The following PTK2 variants were observed in gnomAD, a reference collection of about 807,000 sequenced individuals.
PTK2 encodes the protein protein tyrosine kinase 2.
PTK2 carries 45 observed loss-of-function variants against 150.1 expected under a neutral mutation model. The ratio of observed to expected loss-of-function variants is 0.30; its 90% CI spans 0.24 to 0.38. The LOEUF (loss-of-function observed/expected upper bound fraction) is 0.38. PTK2 is among the 10% of genes least tolerant of loss of function. The pLI, the probability that PTK2 is intolerant of heterozygous loss-of-function variation, is 1.00. For missense variants in PTK2, 919 were observed against 1,307.3 expected, an observed-to-expected ratio of 0.70 and a Z score of 4.58; for synonymous variants, 432 against 449.2, an observed-to-expected ratio of 0.96 and a Z score of 0.48.
At chr8:140,983,380 CA>C (rs34040387) in intron 1 of PTK2, among the ~76,000 whole-genome samples, 2,314 of 78,456 alleles carry the variant, frequency 0.029, 37 homozygotes, top group African/African-American at 0.097. Context: ...GACTCCATCT[CA>C]AAAAAAAAAA....
In PTK2 at chr8:140,904,302, T is replaced by C. The variant is rs541396270; in HGVS notation, c.-32-13533A>G. 7.9e-5 allele frequency among the ~76,000 whole-genome samples: 12 copies of C among 152,354 alleles called. No homozygotes were observed. The South Asian group carries it at 8.3e-4, about 11-fold the overall frequency. On this transcript the variant is annotated intron_variant, in intron 2 of 31. Transcript: ENST00000522684. The stretch of plus-strand genomic sequence containing the variant: ...CTGTTTATGTGATGGATTATGTTTA[T>C]TGATTTGCGTTTGTTGAACAAGCCT...
chr8:140,722,607 A>C (rs1045677315), intron 22 of PTK2, among the ~76,000 whole-genome samples: 15 of 152,270 alleles, frequency 9.9e-5, no homozygotes, highest in African/African-American at 3.4e-4. Context: ...GGACCTGCGA[A>C]TGGTCACTGG....
intron 1 of PTK2, among the ~76,000 whole-genome samples, chr8:140,996,030 A>G (rs1023576473): frequency 1.3e-5 from 2 of 152,168 alleles, no homozygotes; most frequent in Admixed American, 6.5e-5. Flanking sequence ...GGGTGCAGTC[A>G]GCCAAGATCG....
chr8:140,892,919 A>G (rs1035829583), intron 2 of PTK2, among the ~76,000 whole-genome samples: 25 of 152,224 alleles, frequency 1.6e-4, no homozygotes, highest in African/African-American at 6.0e-4. Context: ...TGGTGCAACT[A>G]CTATGAAAAT....
chr8:140,671,587 G>T (rs150234517), intron 29 of PTK2, among the ~76,000 whole-genome samples: 91 of 152,090 alleles, frequency 6.0e-4, no homozygotes, highest in African/African-American at 2.1e-3. Context: ...AGCAGACAAT[G>T]AAGAAACAGA....
chr8:140,714,100 C>A (rs2154220501), intron 23 of PTK2, among the ~76,000 whole-genome samples: 1 of 152,238 alleles, frequency 6.6e-6, no homozygotes, highest in Middle Eastern at 3.4e-3. Flanking sequence ...GTTGCCCAGG[C>A]CGGTCTCCAA....
chr8:140,874,619 GTTA>G (rs2100144507), intron 4 of PTK2, among the ~76,000 whole-genome samples: 1 of 152,134 alleles, frequency 6.6e-6, no homozygotes, highest in Admixed American at 6.6e-5. Context: ...TCCAGGAAAA[GTTA>G]TTAAGCCTTT....
intron 2 of PTK2, chr8:140,920,892 G>T: frequency 6.6e-7 from 1 of 1,525,972 alleles, no homozygotes; most frequent in Non-Finnish European, 8.7e-7. Flanking sequence ...AGGGCCTCTT[G>T]GCCTGCCAGT....
At chr8:140,964,547 A>AT (rs1025644210) in intron 1 of PTK2, among the ~76,000 whole-genome samples, 1,958 of 76,866 alleles carry the variant, frequency 0.025, 128 homozygotes, top group African/African-American at 0.079. Context: ...GCCCCAGGTA[A>AT]TTTTTTTTTT....
chr8:140,851,380 A>C (rs2100129200), intron 5 of PTK2, among the ~76,000 whole-genome samples: 1 of 152,244 alleles, frequency 6.6e-6, no homozygotes, highest in South Asian at 2.1e-4. Flanking sequence ...ATCATGCGCC[A>C]GGATATTATA....
rs568591057 is a variant in PTK2, at chr8:140,970,883, A to G, written c.-122+30242T>C. On this transcript the variant is annotated intron_variant, in intron 1 of 31. Transcript: ENST00000522684. ...ATGTCTGACTACAACAGACAAAGAA[A>G]TATGTCAAAAAAAAAAACCAAAAAA... 4.1e-4 allele frequency among the ~76,000 whole-genome samples: 56 copies of G among 137,652 alleles called. 1 individual carries two copies. The highest frequency in any genetic ancestry group is 1.2e-3 in the African/African-American group (48 of 40,362). 90.3% of individuals were successfully genotyped at this position (137,652 alleles called of 152,430 possible).
At chr8:140,980,547 G>A (rs562813706) in intron 1 of PTK2, among the ~76,000 whole-genome samples, 14 of 152,148 alleles carry the variant, frequency 9.2e-5, no homozygotes, top group African/African-American at 2.6e-4. Context: ...GTGTGAACCC[G>A]GGAGGCGGAG....
chr8:140,960,593 GA>G (rs2100182799), intron 1 of PTK2, among the ~76,000 whole-genome samples: 1 of 152,200 alleles, frequency 6.6e-6, no homozygotes, highest in Non-Finnish European at 1.5e-5. Context: ...AGGCTGTAAA[GA>G]AAGCATGATC....
intron 25 of PTK2, among the ~76,000 whole-genome samples, chr8:140,701,816 C>G (rs899688220): frequency 6.6e-6 from 1 of 151,942 alleles, no homozygotes; most frequent in Non-Finnish European, 1.5e-5. Flanking sequence ...ATGGGGTATC[C>G]TGATCTTTGA....
intron 1 of PTK2, among the ~76,000 whole-genome samples, chr8:140,974,715 G>T (rs2100188639): frequency 6.6e-6 from 1 of 152,154 alleles, no homozygotes; most frequent in Non-Finnish European, 1.5e-5. Context: ...CTTTTGGTTG[G>T]ACTCCTTTCT....
At chr8:140,866,309 C>T (rs2100139242) in intron 4 of PTK2, among the ~76,000 whole-genome samples, 1 of 152,098 alleles carries the variant, frequency 6.6e-6, no homozygotes, top group Admixed American at 6.5e-5. Flanking sequence ...GAAAAAGGTT[C>T]AACATGAAAC....
intron 2 of PTK2, among the ~76,000 whole-genome samples, chr8:140,901,531 C>T (rs1012177929): frequency 1.3e-5 from 2 of 151,916 alleles, no homozygotes; most frequent in South Asian, 2.1e-4. Context: ...CATCTGACAA[C>T]GGATTAATAA....
exon 21 of PTK2, chr8:140,739,021 A>G (rs760830207): frequency 1.9e-6 from 3 of 1,544,742 alleles, no homozygotes; most frequent in Non-Finnish European, 1.8e-6. Context: ...TACTCACCAA[A>G]CATCCATACG....
At chr8:140,890,447 G>T in intron 3 of PTK2, 96 bp downstream of exon 3, 1 of 1,058,134 alleles carries the variant, frequency 9.5e-7, no homozygotes, top group Non-Finnish European at 1.4e-6. Context: ...TCCCCGATAA[G>T]TTAAATAAAA....
Sources: allele counts gnomAD v4.1 joint callset (sites outside exome capture counted in the v4.1 genomes callset), GRCh38; gene constraint gnomAD v4.1.1; transcripts MANE v1.5; gene names NCBI Gene and HGNC (gene_info 2026-07-23, HGNC 2026-07-21).